Variants in RTL4 observed in about 807,000 individuals in gnomAD.
RTL4 encodes retrotransposon Gag-like protein 4.
Under a neutral mutation model 5.3 loss-of-function variants are expected in RTL4, and 4 were observed. That is an observed-to-expected ratio of 0.75 (90% CI 0.37 to 1.72). RTL4 has a LOEUF of 1.72. Ranked by LOEUF, RTL4 falls within the 40% of genes most tolerant of loss-of-function variation. The probability of loss-of-function intolerance (pLI) is 0.04; values close to 1 mark genes in which losing one functional copy is unlikely to be tolerated. For synonymous variants in RTL4, 98 were observed against 87.3 expected (o/e 1.12, Z -0.68); for missense variants, 260 against 227.1 (o/e 1.14, Z -0.93).
chrX:112,312,092 C>G, the RTL4 span, among the ~76,000 whole-genome samples: 1 of 111,403 alleles, frequency 9.0e-6, no homozygotes, highest in Non-Finnish European at 1.9e-5. Flanking sequence ...TGCTTCTATT[C>G]CCAGCATAGG....
chrX:112,085,336 A>G, the RTL4 span, among the ~76,000 whole-genome samples: 1 of 112,400 alleles, frequency 8.9e-6, no homozygotes, highest in Non-Finnish European at 1.9e-5. Context: ...TTCAAATACC[A>G]TGACAGGTAT....
chrX:112,336,627 T>C, the RTL4 span, among the ~76,000 whole-genome samples: 1 of 112,563 alleles, frequency 8.9e-6, no homozygotes, highest in African/African-American at 3.2e-5. Flanking sequence ...AAATTTAAGA[T>C]AATCAATTAA....
the RTL4 span, among the ~76,000 whole-genome samples, chrX:112,228,105 G>A: frequency 9.0e-6 from 1 of 111,552 alleles, no homozygotes. Context: ...GTATTACTGA[G>A]CTGTATTTCA....
the RTL4 span, among the ~76,000 whole-genome samples, chrX:112,347,921 G>A: frequency 9.0e-6 from 1 of 111,175 alleles, no homozygotes; most frequent in African/African-American, 3.3e-5. Flanking sequence ...TCCCCAAATT[G>A]TTTTCCTATA....
At chrX:112,097,568 A>G in the RTL4 span, among the ~76,000 whole-genome samples, 1 of 111,589 alleles carries the variant, frequency 9.0e-6, no homozygotes, top group South Asian at 3.8e-4. Context: ...CCTGTCAGGT[A>G]GAGGTTGCAA....
At chrX:112,083,927 G>A in the RTL4 span, among the ~76,000 whole-genome samples, 1 of 110,808 alleles carries the variant, frequency 9.0e-6, no homozygotes, top group Non-Finnish European at 1.9e-5. Context: ...TATTGGCTTT[G>A]TCTTTTATCT....
At chrX:112,201,919 C>T in the RTL4 span, among the ~76,000 whole-genome samples, 1 of 110,887 alleles carries the variant, frequency 9.0e-6, no homozygotes, top group Non-Finnish European at 1.9e-5. Context: ...ATAAAATCCA[C>T]TTATTAAATT....
At chrX:112,304,878 C>T in the RTL4 span, among the ~76,000 whole-genome samples, 1 of 107,314 alleles carries the variant, frequency 9.3e-6, no homozygotes, top group Non-Finnish European at 1.9e-5. Flanking sequence ...CCTTATCTTT[C>T]CTCTTTTCCT....
the RTL4 span, among the ~76,000 whole-genome samples, chrX:112,370,645 G>A: frequency 3.6e-5 from 4 of 111,175 alleles, no homozygotes; most frequent in Non-Finnish European, 7.6e-5. Context: ...GCAAGGATTC[G>A]CCTTGCTCCA....
the RTL4 span, among the ~76,000 whole-genome samples, chrX:112,243,814 G>C: frequency 9.0e-6 from 1 of 111,543 alleles, no homozygotes; most frequent in Non-Finnish European, 1.9e-5. Context: ...GATCTTTCCT[G>C]CTTTCTCTTG....
the RTL4 span, among the ~76,000 whole-genome samples, chrX:112,232,859 G>A: frequency 1.8e-5 from 2 of 110,891 alleles, no homozygotes; most frequent in Non-Finnish European, 1.9e-5. Flanking sequence ...CCAAGCCCCA[G>A]CTTCCCCACT....
the RTL4 span, among the ~76,000 whole-genome samples, chrX:112,332,785 C>T: frequency 0.21 from 22,734 of 109,054 alleles, 1,833 homozygotes; most frequent in Admixed American, 0.32. Context: ...ACATATGTGA[C>T]GGACCTGCAC....
At chrX:112,409,807 A>G in the RTL4 span, among the ~76,000 whole-genome samples, 2 of 111,434 alleles carry the variant, frequency 1.8e-5, no homozygotes, top group African/African-American at 3.3e-5. Context: ...GAAAGAAGGG[A>G]AGAAGGAAGA....
chrX:112,126,881 A>T, the RTL4 span, among the ~76,000 whole-genome samples: 124 of 111,842 alleles, frequency 1.1e-3, no homozygotes, highest in Non-Finnish European at 2.2e-3. Context: ...TTCTGAATAG[A>T]CCTATAAAAA....
the RTL4 span, among the ~76,000 whole-genome samples, chrX:112,245,601 CT>C: frequency 9.0e-6 from 1 of 111,658 alleles, no homozygotes; most frequent in Non-Finnish European, 1.9e-5. Flanking sequence ...TTCATCTAAT[CT>C]TTTTTCAAGG....
At chrX:112,213,711 G>A in the RTL4 span, among the ~76,000 whole-genome samples, 1 of 111,354 alleles carries the variant, frequency 9.0e-6, no homozygotes, top group African/African-American at 3.3e-5. Flanking sequence ...TCCAATTGTT[G>A]TATAACCATC....
chrX:112,279,332 C>A, the RTL4 span, among the ~76,000 whole-genome samples: 1 of 110,628 alleles, frequency 9.0e-6, no homozygotes, highest in Non-Finnish European at 1.9e-5. Flanking sequence ...TTTTGGGATG[C>A]GGTAGGGTAA....
At chrX:112,383,394 C>G in the RTL4 span, among the ~76,000 whole-genome samples, 1 of 111,645 alleles carries the variant, frequency 9.0e-6, no homozygotes, top group Non-Finnish European at 1.9e-5. Context: ...AATAATTTTC[C>G]TGCATTTTCC....
chrX:112,214,949 C>T, the RTL4 span, among the ~76,000 whole-genome samples: 4 of 109,849 alleles, frequency 3.6e-5, no homozygotes, highest in East Asian at 2.9e-4. Flanking sequence ...CCACCACACC[C>T]GGCTAATTTT....
Sources: allele counts gnomAD v4.1 joint callset (sites outside exome capture counted in the v4.1 genomes callset), GRCh38; gene constraint gnomAD v4.1.1; transcripts MANE v1.5; gene names NCBI Gene and HGNC (gene_info 2026-07-23, HGNC 2026-07-21).